The following ATCAY variants were observed in gnomAD, a reference collection of about 807,000 sequenced individuals.
The protein encoded by ATCAY is caytaxin.
Under a neutral mutation model 47.7 loss-of-function variants are expected in ATCAY, and 22 were observed. That is an observed-to-expected ratio of 0.46 (90% CI 0.33 to 0.66). The LOEUF is 0.66. ATCAY is among the 30% of genes least tolerant of loss of function. The pLI is 0.02. For synonymous variants in ATCAY, 216 were observed against 207.6 expected (o/e 1.04, Z -0.35); for missense variants, 452 against 515.0 (o/e 0.88, Z 1.18).
chr19:3,913,909 A>T (rs2038943730), intron 9 of ATCAY, 53 bp downstream of exon 9: 19 of 1,506,278 alleles, frequency 1.3e-5, no homozygotes, highest in Non-Finnish European at 1.8e-5. Flanking sequence ...CGTGCTGCTG[A>T]TAAAGACACA....
chr19:3,883,261 CTACTCAAG>C (rs1212460488), intron 1 of ATCAY, among the ~76,000 whole-genome samples: 1 of 152,064 alleles, frequency 6.6e-6, no homozygotes, highest in African/African-American at 2.4e-5. Context: ...GTAGTCCAAG[CTACTCAAG>C]AGGTGGAGGT....
At chr19:3,918,395 A>T (rs199787377) in intron 10 of ATCAY, among the ~76,000 whole-genome samples, 3 of 132,916 alleles carry the variant, frequency 2.3e-5, no homozygotes, top group Admixed American at 7.6e-5. Context: ...AAAAAAAAAA[A>T]AAAATAAATT....
At chr19:3,894,637 A>C (rs1383208067) in intron 2 of ATCAY, among the ~76,000 whole-genome samples, 2 of 150,788 alleles carry the variant, frequency 1.3e-5, no homozygotes, top group Non-Finnish European at 3.0e-5. Flanking sequence ...AAAAAAAAAA[A>C]AAAAAAAAAC....
In ATCAY at chr19:3,918,823, A is replaced by G; in HGVS notation, c.1019A>G (p.Glu340Gly). 3.1e-6 allele frequency: 5 copies of G among 1,613,918 alleles called. No individual in the cohort carries two copies. The highest frequency in any genetic ancestry group is 4.2e-6 in the Non-Finnish European group (5 of 1,179,860). Residue 340 changes from glutamate (E) to glycine (G), a missense_variant, in exon 11 of 13, where the codon GAG becomes GGG. Physicochemically the swap from Glu to Gly is moderately conservative, Grantham distance 98. Transcript: ENST00000450849. ...ARRESARPQP[E>G]FVLPRSEEKP... ...GTCCACAGCGCGAGGCCCCAGCCGGAGTTTGTGCTGCCCAGGTCTGAAGAG... is the reference window on the plus strand; with the variant it reads ...GTCCACAGCGCGAGGCCCCAGCCGGGGTTTGTGCTGCCCAGGTCTGAAGAG...
Position 3,885,815 on chromosome 19 carries a change from G to C in ATCAY, c.48G>C (p.Lys16Asn). ...TCCGGATGGAAAACGTGGACGTGAA[G>C]GAGGAATGGCAGGACGAAGATCTTC... The part of the protein sequence containing the change: ...ATLRMENVDV[K>N]EEWQDEDLPR... Residue 16 changes from lysine to asparagine, a missense_variant, in exon 2 of 13, where the codon AAG becomes AAC. Transcript: ENST00000450849. The C allele has an allele frequency of 6.4e-7, 1 of 1,552,468 alleles. No homozygotes were observed. The highest frequency in any genetic ancestry group is 1.4e-5 in the African/African-American group (1 of 73,162).
rs1157388827 is a variant in ATCAY, at chr19:3,906,222, G to GCCT, written c.358+567_358+568insCCT. The stretch of plus-strand genomic sequence containing the variant: ...GTTGGTGAATGGGTACCAACATACA[G>GCCT]TTAGACAGAAGGAATAAGTTCTATT... On this transcript the variant is annotated intron_variant, in intron 4 of 12. Coordinates refer to ENST00000450849, the MANE Select transcript of ATCAY (RefSeq NM_033064.5). Among the ~76,000 whole-genome samples the GCCT allele has an allele frequency of 2.0e-5, 3 of 150,980 alleles. No individual in the cohort carries two copies. In the East Asian group the frequency reaches 5.9e-4, roughly 29 times the overall value.
chr19:3,901,148 C>CCT (rs2038813216), intron 2 of ATCAY, among the ~76,000 whole-genome samples: 1 of 146,156 alleles, frequency 6.8e-6, no homozygotes, highest in Non-Finnish European at 1.5e-5. Flanking sequence ...GTGATCCGCA[C>CCT]GCCTCGGCCT....
intron 2 of ATCAY, among the ~76,000 whole-genome samples, chr19:3,891,271 C>T (rs1446697929): frequency 2.0e-5 from 3 of 151,972 alleles, no homozygotes; most frequent in African/African-American, 2.4e-5. Flanking sequence ...AGGCTGGTCT[C>T]GAACTCCTAA....
At chr19:3,883,944 T>A (rs2038624308) in intron 1 of ATCAY, among the ~76,000 whole-genome samples, 1 of 151,884 alleles carries the variant, frequency 6.6e-6, no homozygotes, top group South Asian at 2.1e-4. Flanking sequence ...CCACCCAGAC[T>A]GCTCCCCCCT....
intron 9 of ATCAY, 92 bp from the exon 10 acceptor site, chr19:3,917,650 T>C: frequency 2.2e-6 from 3 of 1,361,354 alleles, no homozygotes; most frequent in Non-Finnish European, 3.1e-6. Flanking sequence ...AAAGAGAGCT[T>C]GTTTCTCTGC....
At chr19:3,885,879 G>GGAGCAGGT in intron 2 of ATCAY, 35 bp downstream of exon 2, 8 of 1,541,218 alleles carry the variant, frequency 5.2e-6, no homozygotes, top group Non-Finnish European at 7.0e-6. Context: ...AACCGTTGGG[G>GGAGCAGGT]GAGCAGGTGT....
intron 11 of ATCAY, among the ~76,000 whole-genome samples, chr19:3,919,312 G>A (rs1229811685): frequency 4.0e-5 from 6 of 151,216 alleles, no homozygotes; most frequent in Admixed American, 2.0e-4. Flanking sequence ...AAAAATTATC[G>A]GCCGGGTGTG....
At chr19:3,895,416 C>T (rs186869373) in intron 2 of ATCAY, among the ~76,000 whole-genome samples, 2 of 152,028 alleles carry the variant, frequency 1.3e-5, no homozygotes, top group South Asian at 2.1e-4. Context: ...GGTTTCACCA[C>T]GTTGGCCAGG....
chr19:3,900,895 C>CTTTTTTTTTTTT (rs59395284), intron 2 of ATCAY, among the ~76,000 whole-genome samples: 1 of 92,252 alleles, frequency 1.1e-5, no homozygotes, highest in Non-Finnish European at 2.0e-5. Flanking sequence ...TATCCTTCAT[C>CTTTTTTTTTTTT]TTTTTTTTTT....
At chr19:3,923,593 CTG>C (rs906314335) in intron 12 of ATCAY, among the ~76,000 whole-genome samples, 1 of 141,288 alleles carries the variant, frequency 7.1e-6, no homozygotes, top group Non-Finnish European at 1.5e-5. Flanking sequence ...TGAAGGTTGA[CTG>C]TGTGGATGGA....
At chr19:3,916,013 C>T (rs904163723) in intron 9 of ATCAY, among the ~76,000 whole-genome samples, 2 of 152,018 alleles carry the variant, frequency 1.3e-5, no homozygotes, top group African/African-American at 4.8e-5. Flanking sequence ...TCTCATCTTC[C>T]CAAACTGAAA....
chr19:3,881,432 G>A (rs1465733240), intron 1 of ATCAY, among the ~76,000 whole-genome samples: 1 of 151,772 alleles, frequency 6.6e-6, no homozygotes, highest in African/African-American at 2.4e-5. Flanking sequence ...GCTGTCCTGT[G>A]GGGTGGGGAG....
At position 3,909,213 on chromosome 19, in the gene ATCAY, G is replaced by A. The variant is rs542457213; in HGVS notation, c.648-273G>A. Among the ~76,000 whole-genome samples the A allele has an allele frequency of 2.6e-3, 367 of 140,802 alleles. 1 individual carries two copies. Among genetic ancestry groups the A allele is most frequent in the Admixed American group, 4.7e-3 (62 of 13,186 alleles). 92.4% of individuals were successfully genotyped at this position (140,802 alleles called of 152,430 possible). A position where few individuals can be genotyped will look rare whatever the true frequency, so the allele number is the denominator to read the frequency against. On this transcript the variant is annotated intron_variant, in intron 6 of 12. Transcript: ENST00000450849. ...GATCGCACCACTGCACTCTAGCCTG[G>A]GCAACAGAGCGAGATTCCGTCTCAA... is the stretch of plus-strand genomic sequence containing the variant.
intron 9 of ATCAY, among the ~76,000 whole-genome samples, chr19:3,917,256 A>G (rs1425478917): frequency 6.6e-6 from 1 of 151,696 alleles, no homozygotes; most frequent in East Asian, 2.0e-4. Context: ...ACTGCACTCC[A>G]GTCTGGGCTA....
Sources: allele counts gnomAD v4.1 joint callset (sites outside exome capture counted in the v4.1 genomes callset), GRCh38; gene constraint gnomAD v4.1.1; transcripts MANE v1.5; gene names NCBI Gene and HGNC (gene_info 2026-07-23, HGNC 2026-07-21).